KIRREL3: variants seen among roughly 807,000 people sequenced by gnomAD.
The protein encoded by KIRREL3 is kin of IRRE-like protein 3.
Under a neutral mutation model 89.7 loss-of-function variants are expected in KIRREL3, and 36 were observed. That is an observed-to-expected ratio of 0.40 (90% CI 0.31 to 0.53). The LOEUF is 0.53. Ranked by LOEUF, KIRREL3 falls within the 20% of genes least tolerant of loss-of-function variation. The pLI is 0.49. For missense variants in KIRREL3, 864 were observed against 1,056.6 expected, an observed-to-expected ratio of 0.82 and a Z score of 2.53; for synonymous variants, 445 against 441.4, an observed-to-expected ratio of 1.01 and a Z score of -0.10.
rs1294576473 is a variant in KIRREL3, at chr11:126,683,091, A to G, written c.56-120179T>C. Among the ~76,000 whole-genome samples, 1 of 152,060 alleles carries G rather than the reference A, an allele frequency of 6.6e-6. No individual in the cohort carries two copies. The highest frequency in any genetic ancestry group is 2.4e-5 in the African/African-American group (1 of 41,406). On this transcript the variant is annotated intron_variant, in intron 1 of 16. Coordinates refer to ENST00000525144, the MANE Select transcript of KIRREL3 (RefSeq NM_032531.4). The surrounding 1 kb of genome is among the most constrained non-coding windows in gnomAD (Gnocchi z 5.2). ...GGCTGGTTTTGACCCCCTGAACTCC[A>G]GTGATCTTACCGCCTCAGCCTTCCA...
At chr11:126,821,351 A>ATATG (rs756545626) in intron 1 of KIRREL3, among the ~76,000 whole-genome samples, 5 of 105,212 alleles carry the variant, frequency 4.8e-5, no homozygotes, top group African/African-American at 1.3e-4. Flanking sequence ...ATATATATAT[A>ATATG]TGTAACTTCC....
In KIRREL3 at chr11:126,844,230, C is replaced by T. The variant is rs1307659714; in HGVS notation, c.55+156225G>A. 2.6e-5 allele frequency among the ~76,000 whole-genome samples: 4 copies of T among 151,988 alleles called. No individual in the cohort carries two copies. The highest frequency in any genetic ancestry group is 1.3e-4 in the Admixed American group (2 of 15,272). Reference sequence around the variant, plus strand: ...TCCGGTAACATCTTTCTGGTGACCACAGAAGAGACAATACTGAGAAAACCC... The same window carrying T: ...TCCGGTAACATCTTTCTGGTGACCATAGAAGAGACAATACTGAGAAAACCC... On this transcript the variant is annotated intron_variant, in intron 1 of 16. Transcript: ENST00000525144. The surrounding 1 kb of genome is among the most constrained non-coding windows in gnomAD (Gnocchi z 4.8).
intron 1 of KIRREL3, among the ~76,000 whole-genome samples, chr11:126,819,548 A>G (rs1106804): frequency 0.31 from 47,152 of 152,164 alleles, 7,684 homozygotes; most frequent in East Asian, 0.43. Flanking sequence ...AGATGGATAC[A>G]GCCACCCCAA....
rs1949572458 is a variant in KIRREL3 at position 126,976,205 on chromosome 11, G to A, written c.55+24250C>T. 1.3e-5 allele frequency among the ~76,000 whole-genome samples: 2 copies of A among 152,028 alleles called. No individual in the cohort carries two copies. The highest frequency in any genetic ancestry group is 4.8e-5 in the African/African-American group (2 of 41,372). ...ATAACACTCCTCCAATTAAGACCCT[G>A]CAATATACCTGACAGAGGAAAATTT... On this transcript the variant is annotated intron_variant, in intron 1 of 16. Transcript: ENST00000525144. The surrounding 1 kb of genome is among the most constrained non-coding windows in gnomAD (Gnocchi z 4.2).
At chr11:126,457,254 T>C (rs1383299000) in intron 6 of KIRREL3, among the ~76,000 whole-genome samples, 1 of 144,704 alleles carries the variant, frequency 6.9e-6, no homozygotes, top group East Asian at 2.0e-4. Context: ...TGTGTGTGTA[T>C]GTGTGTATGC....
chr11:126,486,269 C>T lies in KIRREL3; in HGVS notation c.434-12803G>A, dbSNP rs920934337. The stretch of plus-strand genomic sequence containing the variant: ...CAAGGGTGAGAGGGCTTGGGAGAGG[C>T]CAGCAGAGAAGGGACAGTGGGGTGG... On this transcript the variant is annotated intron_variant, in intron 4 of 16. Transcript: ENST00000525144. This position sits in a 1 kb window ranked among gnomAD's most constrained non-coding sequence, Gnocchi z 6.2. Among the ~76,000 whole-genome samples the T allele has an allele frequency of 6.6e-6, 1 of 151,982 alleles. No individual in the cohort carries two copies. Among genetic ancestry groups the T allele is most frequent in the African/African-American group, 2.4e-5 (1 of 41,356 alleles).
chr11:126,915,481 A>G (rs1947001334), intron 1 of KIRREL3, among the ~76,000 whole-genome samples: 2 of 152,178 alleles, frequency 1.3e-5, no homozygotes, highest in African/African-American at 4.8e-5. Context: ...CATCGGGCCC[A>G]GATCTCAGAC....
intron 1 of KIRREL3, among the ~76,000 whole-genome samples, chr11:126,829,388 T>C (rs1943528084): frequency 6.6e-6 from 1 of 152,208 alleles, no homozygotes; most frequent in Admixed American, 6.5e-5. Flanking sequence ...CAATAACTTT[T>C]GCTAATCAAT....
intron 1 of KIRREL3, among the ~76,000 whole-genome samples, chr11:126,885,752 T>C (rs1177225733): frequency 6.6e-6 from 1 of 152,224 alleles, no homozygotes; most frequent in Non-Finnish European, 1.5e-5. Flanking sequence ...GCTCCCGAGC[T>C]ACCTTAGGTT....
chr11:126,657,207 T>C (rs1945182208), intron 1 of KIRREL3, among the ~76,000 whole-genome samples: 1 of 151,872 alleles, frequency 6.6e-6, no homozygotes, highest in Non-Finnish European at 1.5e-5. Context: ...AGATCATGCA[T>C]AATCTCTCAG....
intron 1 of KIRREL3, among the ~76,000 whole-genome samples, chr11:126,790,075 C>T (rs1295970503): frequency 2.6e-5 from 4 of 152,196 alleles, no homozygotes; most frequent in Non-Finnish European, 5.9e-5. Flanking sequence ...ACTAAAACCT[C>T]TGTCTACTTA....
intron 1 of KIRREL3, among the ~76,000 whole-genome samples, chr11:126,810,916 C>T (rs1951363266): frequency 6.6e-6 from 1 of 152,152 alleles, no homozygotes. Context: ...CAAGCCCGGG[C>T]TCTCTCCCTG....
In KIRREL3 at chr11:126,896,883, C is replaced by A. The variant is rs149812904; in HGVS notation, c.55+103572G>T. Among the ~76,000 whole-genome samples the A allele has an allele frequency of 1.3e-5, 2 of 152,160 alleles. No homozygotes were observed. Among genetic ancestry groups the A allele is most frequent in the African/African-American group, 4.8e-5 (2 of 41,422 alleles). On this transcript the variant is annotated intron_variant, in intron 1 of 16. Transcript: ENST00000525144. This position sits in a 1 kb window ranked among gnomAD's most constrained non-coding sequence, Gnocchi z 4.1. ...TTCACATATCATCATGTGCTTCACACGCAGTGGGGATCTTAACAGGCATTG... is the reference window on the plus strand; with the variant it reads ...TTCACATATCATCATGTGCTTCACAAGCAGTGGGGATCTTAACAGGCATTG...
Position 126,977,289 on chromosome 11 carries a change from G to A in KIRREL3, c.55+23166C>T, listed in dbSNP as rs762331281. Among the ~76,000 whole-genome samples the A allele has an allele frequency of 2.6e-5, 4 of 151,992 alleles. No homozygotes were observed. Among genetic ancestry groups the A allele is most frequent in the African/African-American group, 9.7e-5 (4 of 41,386 alleles). On this transcript the variant is annotated intron_variant, in intron 1 of 16. Coordinates refer to ENST00000525144, the MANE Select transcript of KIRREL3 (RefSeq NM_032531.4). The surrounding 1 kb of genome is among the most constrained non-coding windows in gnomAD (Gnocchi z 4.7). ...TCTGCGCAGTCAGGTTGGTTTCTTC[G>A]GATGCTGCCGCCCTTTCCTTCTTCA...
In KIRREL3 at chr11:126,653,087, G is replaced by A. The variant is rs1339584174; in HGVS notation, c.56-90175C>T. Among the ~76,000 whole-genome samples, 3 of 152,358 alleles carry A rather than the reference G, an allele frequency of 2.0e-5. No homozygotes were observed. The highest frequency in any genetic ancestry group is 4.4e-5 in the Non-Finnish European group (3 of 68,030). On this transcript the variant is annotated intron_variant, in intron 1 of 16. Transcript: ENST00000525144. This position sits in a 1 kb window ranked among gnomAD's most constrained non-coding sequence, Gnocchi z 5.4. ...AGAGAGCAGGTATAATAAAGCTTAT[G>A]CCAGACACCTTGTTTGTAATTGTCT...
rs531902060 is a variant in KIRREL3, at chr11:126,779,608, T to A, written c.56-216696A>T. 3.4e-4 allele frequency among the ~76,000 whole-genome samples: 52 copies of A among 152,300 alleles called. 1 individual carries two copies. In the East Asian group the frequency reaches 7.7e-3, roughly 23 times the overall value. ...TAGGCTGTTTAGAATCAGGACATTT[T>A]AAAATTTATGTCCATAGTCTCAACA... On this transcript the variant is annotated intron_variant, in intron 1 of 16. Coordinates refer to ENST00000525144, the MANE Select transcript of KIRREL3 (RefSeq NM_032531.4).
intron 1 of KIRREL3, among the ~76,000 whole-genome samples, chr11:126,962,306 G>A (rs999669083): frequency 2.0e-5 from 3 of 152,170 alleles, no homozygotes; most frequent in Middle Eastern, 3.2e-3. Context: ...TGATTCATGG[G>A]AGGAGGTCAA....
At chr11:126,974,251 G>A (rs894789656) in intron 1 of KIRREL3, among the ~76,000 whole-genome samples, 1 of 151,980 alleles carries the variant, frequency 6.6e-6, no homozygotes, top group Non-Finnish European at 1.5e-5. Flanking sequence ...TTCCTATCTA[G>A]ACCTCTCTGA....
chr11:127,002,281 T>C (rs1292187436), upstream of KIRREL3, among the ~76,000 whole-genome samples: 1 of 152,238 alleles, frequency 6.6e-6, no homozygotes, highest in Non-Finnish European at 1.5e-5. Context: ...ATAGTTTATT[T>C]AACTGCATCC....
Sources: gnomAD v4.1 joint callset for allele counts (sites outside exome capture counted in the v4.1 genomes callset) on GRCh38, gnomAD v4.1.1 for gene constraint, Gnocchi (gnomAD v3.1) non-coding constraint, MANE v1.5 for transcripts, NCBI Gene and HGNC (gene_info 2026-07-23, HGNC 2026-07-21) for gene names.